The following PLEKHN1 variants were observed in gnomAD, a reference collection of about 807,000 sequenced individuals.
The protein encoded by PLEKHN1 is pleckstrin homology domain containing N1.
A neutral mutation model predicts 72.8 loss-of-function variants in PLEKHN1; 68 were observed. The observed-to-expected ratio is 0.93, with a 90% CI of 0.77 to 1.14. The LOEUF is 1.14. Among genes scored for constraint, PLEKHN1 ranks in the 50% most tolerant of loss-of-function variants. The pLI, the probability that PLEKHN1 is intolerant of heterozygous loss-of-function variation, is 0.00. For synonymous variants in PLEKHN1, 454 were observed against 371.6 expected, an observed-to-expected ratio of 1.22 and a Z score of -2.55; for missense variants, 1,015 against 840.5, an observed-to-expected ratio of 1.21 and a Z score of -2.57.
In PLEKHN1 at chr1:970,257, C is replaced by T. The variant is rs762369764; in HGVS notation, c.184-20C>T. Reference sequence around the variant, plus strand: ...GGGGGCCCAGGGGAGGCCCCCTCCCCTGAGCTCTACTCCTCCTAGGACATC... The same window carrying T: ...GGGGGCCCAGGGGAGGCCCCCTCCCTTGAGCTCTACTCCTCCTAGGACATC... On this transcript the variant is annotated intron_variant, in intron 2 of 15. Transcript: ENST00000379410. This position sits in a 1 kb window ranked among gnomAD's most constrained non-coding sequence, Gnocchi z 4.2. 3.1e-6 allele frequency: 5 copies of T among 1,611,394 alleles called. No homozygotes were observed. In the South Asian group the frequency reaches 5.5e-5, roughly 18 times the overall value.
At chr1:972,026 C>A (rs781299653) in intron 8 of PLEKHN1, 49 bp from the exon 9 acceptor site, 10 of 1,572,232 alleles carry the variant, frequency 6.4e-6, no homozygotes, top group East Asian at 2.2e-5. Context: ...CCAGGCGGGG[C>A]CCCGGGGCTG....
At chr1:971,852 T>C (rs1038843941) in intron 8 of PLEKHN1, among the ~76,000 whole-genome samples, 4 of 152,234 alleles carry the variant, frequency 2.6e-5, no homozygotes, top group Admixed American at 2.6e-4. Context: ...AGGCCAGTCC[T>C]GTGGCTTTGT....
In PLEKHN1 at chr1:970,562, G is replaced by A; in HGVS notation, c.372G>A (p.Leu124=). 1 of 1,613,046 alleles carries A rather than the reference G, an allele frequency of 6.2e-7. No homozygotes were observed. The highest frequency in any genetic ancestry group is 8.5e-7 in the Non-Finnish European group (1 of 1,179,958). The part of the protein sequence containing the change: ...DCYLELFPAH[L]YFQAHGSEGL... ...ACCTGGAGCTATTCCCCGCCCACCT[G>A]TACTTCCAGGCCCACGGCTCGGAAG... The change falls in exon 4 of 16, where the codon CTG becomes CTA. Residue 124 remains leucine (L), a synonymous_variant. Transcript: ENST00000379410. This position sits in a 1 kb window ranked among gnomAD's most constrained non-coding sequence, Gnocchi z 4.2.
At position 972,074 on chromosome 1, in the gene PLEKHN1, G is replaced by A. The variant is rs1643359226; in HGVS notation, c.790-1G>A. On this transcript the variant is annotated splice_acceptor_variant, in intron 8 of 15. Transcript: ENST00000379410. LOFTEE classifies it high-confidence loss of function. ...CCTGGCCCTCAATCTCTGCTCCGCA[G>A]GGGGAGCTCCCACTCCGTGCCGTCC... 1.2e-6 allele frequency: 2 copies of A among 1,612,592 alleles called. No homozygotes were observed. The highest frequency in any genetic ancestry group is 1.1e-5 in the South Asian group (1 of 91,038).
Position 970,676 on chromosome 1 carries a change from T to C in PLEKHN1, c.412-10T>C, listed in dbSNP as rs768110672. 11 of 1,596,922 alleles carry C rather than the reference T, an allele frequency of 6.9e-6. No homozygotes were observed. The highest frequency in any genetic ancestry group is 9.4e-6 in the Non-Finnish European group (11 of 1,170,060). On this transcript the variant is annotated splice_polypyrimidine_tract_variant and intron_variant, in intron 4 of 15. Transcript: ENST00000379410. The surrounding 1 kb of genome is among the most constrained non-coding windows in gnomAD (Gnocchi z 4.2). ...GATCCCTGAAGCTCCTCCTACCCTG[T>C]GCCTGGCAGGGGCTGTTACCGCTGA...
intron 10 of PLEKHN1, 118 bp from the exon 11 acceptor site, chr1:972,743 G>T: frequency 7.6e-7 from 1 of 1,308,858 alleles, no homozygotes; most frequent in African/African-American, 1.5e-5. Flanking sequence ...TGCAGCCTGG[G>T]CGACAGAATA....
rs752461073 is a variant in PLEKHN1 at position 974,343 on chromosome 1, G to A, written c.1681G>A (p.Glu561Lys). 150 of 1,612,900 alleles carry A rather than the reference G, an allele frequency of 9.3e-5. No homozygotes were observed. Among genetic ancestry groups the A allele is most frequent in the Admixed American group, 2.3e-4 (14 of 60,030 alleles). ...LVSSAREGSP[E>K]PWLPLTDGRS... ...CTCCTCTGCCAGGGAAGGTTCGCCCGAACCCTGGCTGCCTCTGACAGGTGA... is the reference window on the plus strand; with the variant it reads ...CTCCTCTGCCAGGGAAGGTTCGCCCAAACCCTGGCTGCCTCTGACAGGTGA... The change falls in exon 15 of 16, where the codon GAA (glutamate) becomes AAA (lysine). Residue 561 changes from glutamate to lysine, a missense_variant. Glu to Lys is a moderately conservative substitution (Grantham distance 56). Coordinates refer to ENST00000379410, the MANE Select transcript of PLEKHN1 (RefSeq NM_032129.3).
intron 2 of PLEKHN1, among the ~76,000 whole-genome samples, chr1:967,851 TG>T (rs774719477): frequency 6.6e-6 from 1 of 152,132 alleles, no homozygotes; most frequent in Non-Finnish European, 1.5e-5. Context: ...AGTGTGACCC[TG>T]GGGGGTCCTA....
rs370463129 is a variant in PLEKHN1, at chr1:970,516, C to A, written c.331-5C>A. The A allele has an allele frequency of 5.0e-6, 8 of 1,612,562 alleles. No individual in the cohort carries two copies. The highest frequency in any genetic ancestry group is 1.1e-5 in the South Asian group (1 of 91,080). ...TCCGCACTGACGACCCTGCTCCCCGCGCAGGATGTCAGCGACTGCTACCTG... is the reference window on the plus strand; with the variant it reads ...TCCGCACTGACGACCCTGCTCCCCGAGCAGGATGTCAGCGACTGCTACCTG... On this transcript the variant is annotated splice_polypyrimidine_tract_variant and splice_region_variant and intron_variant, in intron 3 of 15. Transcript: ENST00000379410. The surrounding 1 kb of genome is among the most constrained non-coding windows in gnomAD (Gnocchi z 4.2).
rs768659657 is a variant in PLEKHN1 at position 972,868 on chromosome 1, G to A, written c.1010G>A (p.Gly337Asp). The A allele has an allele frequency of 4.5e-6, 7 of 1,551,658 alleles. No homozygotes were observed. The South Asian group carries it at 5.9e-5, about 13-fold the overall frequency. ...CACTCACTGCCCATCCAGGTTATGG[G>A]CAGTGGCCGAGGCTCACTCTCCTCA... Reference protein sequence around the residue: ...AESFPGSQVMGSGRGSLSSGG... With the variant: ...AESFPGSQVMDSGRGSLSSGG... The change falls in exon 11 of 16, where the codon GGC (glycine) becomes GAC (aspartate). Residue 337 changes from glycine to aspartate, a missense_variant. Physicochemically the swap from Gly to Asp is moderately conservative, Grantham distance 94. Coordinates refer to ENST00000379410, the MANE Select transcript of PLEKHN1 (RefSeq NM_032129.3).
intron 7 of PLEKHN1, 26 bp downstream of exon 7, chr1:971,234 A>G (rs1042379978): frequency 5.1e-6 from 8 of 1,562,816 alleles, no homozygotes; most frequent in Non-Finnish European, 6.9e-6. Context: ...GTGGGGCTGT[A>G]GGGGGATGGG....
chr1:970,366 G>A lies in PLEKHN1; in HGVS notation c.273G>A (p.Arg91=). ...AGGGGCGGCGGAGGGTGCCTGTGAG[G>A]AACCTGGGAAAAGTTGTGCATTACG... ...FKKGRRRVPV[R]NLGKVVHYAK... Residue 91 remains arginine, a synonymous_variant, in exon 3 of 16, where the codon AGG becomes AGA. Coordinates refer to ENST00000379410, the MANE Select transcript of PLEKHN1 (RefSeq NM_032129.3). This position sits in a 1 kb window ranked among gnomAD's most constrained non-coding sequence, Gnocchi z 4.2. 1 of 1,613,568 alleles carries A rather than the reference G, an allele frequency of 6.2e-7. No individual in the cohort carries two copies. The highest frequency in any genetic ancestry group is 2.2e-5 in the East Asian group (1 of 44,880).
In PLEKHN1 at chr1:970,578, G is replaced by C. The variant is rs201445899; in HGVS notation, c.388G>C (p.Gly130Arg). 4.3e-6 allele frequency: 7 copies of C among 1,612,848 alleles called. No individual in the cohort carries two copies. Among genetic ancestry groups the C allele is most frequent in the South Asian group, 1.1e-5 (1 of 90,984 alleles). ...CGCCCACCTGTACTTCCAGGCCCAC[G>C]GCTCGGAAGGACTCACATTTCAGGT... ...FPAHLYFQAH[G>R]SEGLTFQGLL... is the part of the protein sequence containing the mutation. Residue 130 changes from glycine (G) to arginine (R), a missense_variant, in exon 4 of 16, where the codon GGC becomes CGC. Gly to Arg is a moderately radical substitution (Grantham distance 125, BLOSUM62 -2). Coordinates refer to ENST00000379410, the MANE Select transcript of PLEKHN1 (RefSeq NM_032129.3). This position sits in a 1 kb window ranked among gnomAD's most constrained non-coding sequence, Gnocchi z 4.2.
At chr1:969,856 T>C (rs1052950928) in intron 2 of PLEKHN1, among the ~76,000 whole-genome samples, 1 of 152,114 alleles carries the variant, frequency 6.6e-6, no homozygotes, top group African/African-American at 2.4e-5. Context: ...ACGTATCGGG[T>C]GTGTGTGCGT....
In PLEKHN1 at chr1:970,618, T is replaced by TG; in HGVS notation, c.411+21dup. On this transcript the variant is annotated intron_variant, in intron 4 of 15. Coordinates refer to ENST00000379410, the MANE Select transcript of PLEKHN1 (RefSeq NM_032129.3). The surrounding 1 kb of genome is among the most constrained non-coding windows in gnomAD (Gnocchi z 4.2). ...ACATTTCAGGTGAGGCGGTGGGCAA[T>TG]GGGGTGGGGCCATGGCCGCCCTTCC... is the stretch of plus-strand genomic sequence containing the variant. The TG allele has an allele frequency of 6.2e-7, 1 of 1,610,894 alleles. No individual in the cohort carries two copies. Among genetic ancestry groups the TG allele is most frequent in the Non-Finnish European group, 8.5e-7 (1 of 1,178,828 alleles).
intron 7 of PLEKHN1, 21 bp from the exon 8 acceptor site, chr1:971,303 A>ACCCCCCCCC (rs1570035984): frequency 1.2e-5 from 18 of 1,495,416 alleles, no homozygotes; most frequent in Admixed American, 7.5e-5. Context: ...TCATCGCCTG[A>ACCCCCCCCC]CCCCACCCCC....
At position 974,811 on chromosome 1, in the gene PLEKHN1, C is replaced by T. The variant is rs111470767; in HGVS notation, c.*236C>T. On this transcript the variant is annotated 3_prime_UTR_variant, in exon 16 of 16. Transcript: ENST00000379410. Reference sequence around the variant, plus strand: ...TGCCCTGGCCAGCGAGGCTGGGTCACAGGTCAGGGAGGTCCTGGCCGTCCA... The same window carrying T: ...TGCCCTGGCCAGCGAGGCTGGGTCATAGGTCAGGGAGGTCCTGGCCGTCCA... 1.7e-6 allele frequency: 1 copy of T among 598,180 alleles called. No homozygotes were observed. The highest frequency in any genetic ancestry group is 2.9e-6 in the Non-Finnish European group (1 of 346,812). 37.1% of individuals were successfully genotyped at this position (598,180 alleles called of 1,614,324 possible). A position where few individuals can be genotyped will look rare whatever the true frequency, so the allele number is the denominator to read the frequency against.
rs373776412 is a variant in PLEKHN1 at position 970,512 on chromosome 1, C to T, written c.331-9C>T. ...AGACTCCGCACTGACGACCCTGCTC[C>T]CCGCGCAGGATGTCAGCGACTGCTA... On this transcript the variant is annotated splice_polypyrimidine_tract_variant and intron_variant, in intron 3 of 15. Coordinates refer to ENST00000379410, the MANE Select transcript of PLEKHN1 (RefSeq NM_032129.3). The surrounding 1 kb of genome is among the most constrained non-coding windows in gnomAD (Gnocchi z 4.2). 6.2e-7 allele frequency: 1 copy of T among 1,613,138 alleles called. No individual in the cohort carries two copies. Among genetic ancestry groups the T allele is most frequent in the Non-Finnish European group, 8.5e-7 (1 of 1,179,968 alleles).
chr1:974,180 G>T, intron 14 of PLEKHN1, 129 bp downstream of exon 14: 1 of 1,499,804 alleles, frequency 6.7e-7, no homozygotes, highest in African/African-American at 1.4e-5. Flanking sequence ...AGGCCAGGGG[G>T]GCCAGTAGGG....
Sources: gnomAD v4.1 joint callset for allele counts (sites outside exome capture counted in the v4.1 genomes callset) on GRCh38, gnomAD v4.1.1 for gene constraint, Gnocchi (gnomAD v3.1) non-coding constraint, MANE v1.5 for transcripts, NCBI Gene and HGNC (gene_info 2026-07-23, HGNC 2026-07-21) for gene names.